Variants in SORCS3 observed in about 807,000 individuals in gnomAD.
SORCS3 encodes VPS10 domain-containing receptor SorCS3.
SORCS3 carries 57 observed loss-of-function variants against 146.3 expected under a neutral mutation model. The ratio of observed to expected loss-of-function variants is 0.39; its 90% CI spans 0.31 to 0.49. The LOEUF is 0.49. Ranked by LOEUF, SORCS3 falls within the 20% of genes least tolerant of loss-of-function variation. The probability of loss-of-function intolerance (pLI) is 0.92; values close to 1 mark genes in which losing one functional copy is unlikely to be tolerated. For missense variants in SORCS3, 1,341 were observed against 1,575.5 expected (o/e 0.85, Z 2.52); for synonymous variants, 653 against 618.5 (o/e 1.06, Z -0.83).
intron 14 of SORCS3, among the ~76,000 whole-genome samples, chr10:105,183,028 C>T (rs78144059): frequency 0.018 from 2,670 of 152,106 alleles, 91 homozygotes; most frequent in African/African-American, 0.061. Context: ...TTTTAGTTGC[C>T]GTTAGATATC....
At chr10:104,696,002 A>AT (rs2016172631) in intron 1 of SORCS3, among the ~76,000 whole-genome samples, 1 of 116,844 alleles carries the variant, frequency 8.6e-6, no homozygotes. Context: ...ACACACATAT[A>AT]ATATATATAA....
intron 17 of SORCS3, among the ~76,000 whole-genome samples, chr10:105,212,695 A>G (rs1334388921): frequency 6.6e-6 from 1 of 152,192 alleles, no homozygotes; most frequent in Non-Finnish European, 1.5e-5. Context: ...GATTGTGTAA[A>G]TGTTGGCTTA....
At chr10:105,035,464 G>GT (rs58969291) in intron 4 of SORCS3, among the ~76,000 whole-genome samples, 481 of 141,102 alleles carry the variant, frequency 3.4e-3, no homozygotes, top group Middle Eastern at 7.4e-3. Context: ...TTCTCACCAA[G>GT]TTTTTTTTTT....
intron 14 of SORCS3, 23 bp downstream of exon 14, chr10:105,178,196 C>G: frequency 2.6e-6 from 4 of 1,559,898 alleles, no homozygotes; most frequent in African/African-American, 1.4e-5. Context: ...TTTGCTGTGA[C>G]AGGAAGAAGA....
intron 20 of SORCS3, among the ~76,000 whole-genome samples, chr10:105,234,508 TA>T (rs772933428): frequency 6.6e-5 from 10 of 151,912 alleles, no homozygotes; most frequent in Non-Finnish European, 1.5e-4. Context: ...CATGCATTTA[TA>T]CCATTTTTAG....
At chr10:105,069,993 G>A (rs2055546643) in intron 5 of SORCS3, among the ~76,000 whole-genome samples, 1 of 152,132 alleles carries the variant, frequency 6.6e-6, no homozygotes, top group South Asian at 2.1e-4. Context: ...GAAGTTTTGA[G>A]GCTTGGAAGG....
intron 1 of SORCS3, among the ~76,000 whole-genome samples, chr10:104,761,473 A>C (rs1434704631): frequency 6.6e-6 from 1 of 152,146 alleles, no homozygotes; most frequent in Non-Finnish European, 1.5e-5. Context: ...TGGCTCCTGC[A>C]GGCCTATCTT....
intron 4 of SORCS3, among the ~76,000 whole-genome samples, chr10:105,011,063 G>A (rs748812258): frequency 3.3e-5 from 5 of 152,246 alleles, no homozygotes; most frequent in Middle Eastern, 3.4e-3. Flanking sequence ...ACACTTTGTG[G>A]ATGTCCAGCC....
intron 1 of SORCS3, among the ~76,000 whole-genome samples, chr10:104,754,931 C>T (rs1223414089): frequency 6.6e-6 from 1 of 152,108 alleles, no homozygotes; most frequent in African/African-American, 2.4e-5. Flanking sequence ...TTTCACCAAG[C>T]ACAGAAATAA....
chr10:104,826,540 T>TA (rs576375778), intron 1 of SORCS3, among the ~76,000 whole-genome samples: 19 of 152,194 alleles, frequency 1.2e-4, no homozygotes, highest in Non-Finnish European at 1.9e-4. Flanking sequence ...GCATCATGTC[T>TA]AAAAAAATGC....
intron 2 of SORCS3, among the ~76,000 whole-genome samples, chr10:104,864,970 A>G (rs2018444398): frequency 6.6e-6 from 1 of 152,174 alleles, no homozygotes; most frequent in South Asian, 2.1e-4. Flanking sequence ...TCTCTTCCCC[A>G]GAGAGGTGTT....
intron 22 of SORCS3, among the ~76,000 whole-genome samples, chr10:105,251,431 T>C (rs2056897424): frequency 6.6e-6 from 1 of 152,068 alleles, no homozygotes; most frequent in African/African-American, 2.4e-5. Context: ...CGTAACCATA[T>C]CAGGATCTAT....
At chr10:105,045,037 A>AAAAAAAAAAGAAAGAAAG (rs796179490) in intron 5 of SORCS3, among the ~76,000 whole-genome samples, 37 of 128,782 alleles carry the variant, frequency 2.9e-4, no homozygotes, top group African/African-American at 3.6e-4. Context: ...AAAAAAAAAA[A>AAAAAAAAAAGAAAGAAAG]AAAAGAAAGA....
At chr10:105,100,583 C>T (rs1366647058) in intron 6 of SORCS3, among the ~76,000 whole-genome samples, 2 of 152,208 alleles carry the variant, frequency 1.3e-5, no homozygotes, top group Non-Finnish European at 2.9e-5. Context: ...AGGGCTACCT[C>T]CTCTTTGAAG....
At chr10:104,783,747 A>G (rs759273286) in intron 1 of SORCS3, among the ~76,000 whole-genome samples, 26 of 152,268 alleles carry the variant, frequency 1.7e-4, no homozygotes, top group Non-Finnish European at 2.9e-4. Flanking sequence ...GAGAGAGAGA[A>G]AAAAAGGATC....
chr10:105,204,300 C>T (rs1003832331), intron 16 of SORCS3, among the ~76,000 whole-genome samples: 5 of 152,158 alleles, frequency 3.3e-5, no homozygotes, highest in African/African-American at 4.8e-5. Flanking sequence ...CTCTCCTCTA[C>T]ACCCTGCCAT....
intron 1 of SORCS3, among the ~76,000 whole-genome samples, chr10:104,740,072 G>T (rs759347766): frequency 6.6e-6 from 1 of 152,140 alleles, no homozygotes; most frequent in South Asian, 2.1e-4. Flanking sequence ...TTCATAGAAC[G>T]TATTTCTTGG....
intron 4 of SORCS3, among the ~76,000 whole-genome samples, chr10:104,986,508 C>T (rs2054963054): frequency 6.6e-6 from 1 of 152,200 alleles, no homozygotes; most frequent in East Asian, 1.9e-4. Flanking sequence ...TTTTCCTTTG[C>T]ATTCACAATG....
chr10:105,261,190 C>T (rs1321947278), intron 25 of SORCS3, among the ~76,000 whole-genome samples: 3 of 152,120 alleles, frequency 2.0e-5, no homozygotes, highest in Admixed American at 6.6e-5. Context: ...AAACCAACAC[C>T]ATATTTATTT....
Sources: gnomAD v4.1 joint callset for allele counts (sites outside exome capture counted in the v4.1 genomes callset) on GRCh38, gnomAD v4.1.1 for gene constraint, MANE v1.5 for transcripts, NCBI Gene and HGNC (gene_info 2026-07-23, HGNC 2026-07-21) for gene names.